The following SYNE3 variants were observed in gnomAD, a reference collection of about 807,000 sequenced individuals.
SYNE3 encodes spectrin repeat containing nuclear envelope family member 3.
A neutral mutation model predicts 111.2 loss-of-function variants in SYNE3; 100 were observed. That is an observed-to-expected ratio of 0.90 (90% CI 0.77 to 1.06). The LOEUF (loss-of-function observed/expected upper bound fraction) is 1.06. SYNE3 is among the 50% of genes least tolerant of loss of function. The pLI is 0.00. For missense variants in SYNE3, 1,160 were observed against 1,240.3 expected (o/e 0.94, Z 0.97); for synonymous variants, 547 against 533.9 (o/e 1.02, Z -0.34).
At chr14:95,497,491 A>G (rs1444228371) in intron 1 of SYNE3, among the ~76,000 whole-genome samples, 1 of 152,212 alleles carries the variant, frequency 6.6e-6, no homozygotes, top group Non-Finnish European at 1.5e-5. Flanking sequence ...CAGCAAGGAA[A>G]GTTTGTGACA....
In SYNE3 at chr14:95,436,976, A is replaced by G; in HGVS notation, c.2382T>C (p.Asn794=). The G allele has an allele frequency of 1.9e-6, 3 of 1,601,884 alleles. No homozygotes were observed. The highest frequency in any genetic ancestry group is 2.6e-6 in the Non-Finnish European group (3 of 1,172,712). ...GGCTCCCTTCTTCTTCCTGTAGAAGATTTGCCTGTAGGATCACACACGGCC... is the reference window on the plus strand; with the variant it reads ...GGCTCCCTTCTTCTTCCTGTAGAAGGTTTGCCTGTAGGATCACACACGGCC... The part of the protein sequence containing the change: ...DPIPRHRRRA[N]LLQEEEGSHE... Residue 794 remains asparagine (N), a synonymous_variant, in exon 15 of 18, where the codon AAT becomes AAC. Coordinates refer to ENST00000682763, the MANE Select transcript of SYNE3 (RefSeq NM_152592.6).
Position 95,475,764 on chromosome 14 carries a change from T to C in SYNE3, c.58A>G (p.Met20Val). 1 of 1,606,522 alleles carries C rather than the reference T, an allele frequency of 6.2e-7. No homozygotes were observed. Among genetic ancestry groups the C allele is most frequent in the Non-Finnish European group, 8.5e-7 (1 of 1,176,984 alleles). The change falls in exon 2 of 18, where the codon ATG becomes GTG. Residue 20 changes from methionine (M) to valine (V), a missense_variant. Physicochemically the swap from Met to Val is conservative, Grantham distance 21. Coordinates refer to ENST00000682763, the MANE Select transcript of SYNE3 (RefSeq NM_152592.6). ...DRSVEDAQAW[M>V]KAVQDQLQVN... ...TGCAGCTGGTCCTGCACAGCCTTCATCCATGCCTGGGCATCCTCCACGCTC... is the reference window on the plus strand; with the variant it reads ...TGCAGCTGGTCCTGCACAGCCTTCACCCATGCCTGGGCATCCTCCACGCTC...
intron 1 of SYNE3, among the ~76,000 whole-genome samples, chr14:95,515,762 C>T (rs962994639): frequency 9.2e-5 from 14 of 152,178 alleles, no homozygotes; most frequent in Non-Finnish European, 1.6e-4. Context: ...CCCAGGAAAG[C>T]CCAGGGTTGG....
At position 95,485,430 on chromosome 14, in the gene SYNE3, T is replaced by A. The variant is rs1889492891; in HGVS notation, c.-14-9595A>T. 6.6e-6 allele frequency among the ~76,000 whole-genome samples: 1 copy of A among 151,898 alleles called. No homozygotes were observed. The highest frequency in any genetic ancestry group is 6.6e-5 in the Admixed American group (1 of 15,254). On this transcript the variant is annotated intron_variant, in intron 1 of 17. Coordinates refer to ENST00000682763, the MANE Select transcript of SYNE3 (RefSeq NM_152592.6). The surrounding 1 kb of genome is among the most constrained non-coding windows in gnomAD (Gnocchi z 4.3). ...TAGACCTGAGGCATTCACTTGAGAG[T>A]GAGAACGCACACATTCCTCAGATGC...
intron 1 of SYNE3, among the ~76,000 whole-genome samples, chr14:95,481,392 A>G (rs145033021): frequency 9.7e-4 from 147 of 152,262 alleles, no homozygotes; most frequent in African/African-American, 3.3e-3. Context: ...TGTAATGAGG[A>G]GGAGGAGCTG....
chr14:95,457,907 T>G (rs1284431073), intron 4 of SYNE3, among the ~76,000 whole-genome samples: 2 of 152,138 alleles, frequency 1.3e-5, no homozygotes, highest in African/African-American at 4.8e-5. Context: ...AAACCAGCAT[T>G]TCTAGCTCCA....
intron 1 of SYNE3, among the ~76,000 whole-genome samples, chr14:95,496,596 C>T (rs1046451594): frequency 4.6e-5 from 7 of 152,184 alleles, no homozygotes; most frequent in Admixed American, 1.3e-4. Flanking sequence ...CTGGTGAGAA[C>T]GTCTGGAATT....
In SYNE3 at chr14:95,426,970, T is replaced by TATACTAGATA. The variant is rs1362603087; in HGVS notation, c.2727+5099_2727+5108dup. 2.0e-5 allele frequency among the ~76,000 whole-genome samples: 3 copies of TATACTAGATA among 150,758 alleles called. No individual in the cohort carries two copies. In the South Asian group the frequency reaches 6.3e-4, roughly 32 times the overall value. ...AAAAAAAAAAAAAAAAAAGAATAGT[T>TATACTAGATA]ATACTAGATATAGATCTTAGATATG... On this transcript the variant is annotated intron_variant, in intron 17 of 17. Coordinates refer to ENST00000682763, the MANE Select transcript of SYNE3 (RefSeq NM_152592.6).
chr14:95,501,998 G>A (rs934250981), intron 1 of SYNE3, among the ~76,000 whole-genome samples: 1 of 152,150 alleles, frequency 6.6e-6, no homozygotes, highest in African/African-American at 2.4e-5. Flanking sequence ...GTCTGAGGGT[G>A]CACTAAGGCT....
chr14:95,419,196 A>C (rs1275207620), intron 17 of SYNE3, among the ~76,000 whole-genome samples: 1 of 152,216 alleles, frequency 6.6e-6, no homozygotes, highest in Non-Finnish European at 1.5e-5. Flanking sequence ...CTCATGGTCA[A>C]GATGCTGCAG....
intron 1 of SYNE3, among the ~76,000 whole-genome samples, chr14:95,499,854 G>GTTTTTTTTTTTTTTTT (rs1890259277): frequency 9.3e-5 from 5 of 53,740 alleles, no homozygotes; most frequent in African/African-American, 1.9e-4. Context: ...ACTAACTCTT[G>GTTTTTTTTTTTTTTTT]TCTTTTTTTT....
chr14:95,506,703 T>C (rs1890541002), intron 1 of SYNE3, among the ~76,000 whole-genome samples: 1 of 152,152 alleles, frequency 6.6e-6, no homozygotes, highest in South Asian at 2.1e-4. Flanking sequence ...AGGGAATCCA[T>C]TGGAACGGGC....
chr14:95,452,290 G>C lies in SYNE3; in HGVS notation c.1231C>G (p.Pro411Ala), dbSNP rs754857398. The stretch of plus-strand genomic sequence containing the variant: ...GTAGCGATGACACTATCAGAGAGTG[G>C]CTTCAGGTTGTGAGGGAAGACGATG... ...ELIVFPHNLK[P>A]LSDSVIATIQ... The change falls in exon 7 of 18, where the codon CCA (proline) becomes GCA (alanine). Residue 411 changes from proline to alanine, a missense_variant. Physicochemically the swap from Pro to Ala is conservative, Grantham distance 27. Coordinates refer to ENST00000682763, the MANE Select transcript of SYNE3 (RefSeq NM_152592.6). 5 of 1,613,766 alleles carry C rather than the reference G, an allele frequency of 3.1e-6. No homozygotes were observed. The highest frequency in any genetic ancestry group is 1.1e-5 in the South Asian group (1 of 91,020).
chr14:95,445,869 G>A, intron 9 of SYNE3, 40 bp downstream of exon 9: 2 of 1,603,888 alleles, frequency 1.2e-6, no homozygotes, highest in East Asian at 4.5e-5. Flanking sequence ...CCAGCCCCGT[G>A]GCCAAGCCAA....
chr14:95,453,805 G>A (rs1240609313), intron 6 of SYNE3, among the ~76,000 whole-genome samples: 1 of 152,202 alleles, frequency 6.6e-6, no homozygotes. Flanking sequence ...AGCAGTGCTG[G>A]AACACCCAGG....
intron 1 of SYNE3, among the ~76,000 whole-genome samples, chr14:95,503,661 C>A (rs1270163947): frequency 7.6e-6 from 1 of 131,920 alleles, no homozygotes; most frequent in African/African-American, 2.8e-5. Flanking sequence ...CTTTGTTGCC[C>A]AGGCTGGAGC....
chr14:95,496,998 A>G (rs972742877), intron 1 of SYNE3, among the ~76,000 whole-genome samples: 2 of 152,154 alleles, frequency 1.3e-5, no homozygotes, highest in African/African-American at 4.8e-5. Context: ...CCCTCTTTTC[A>G]GGGCCATTTT....
At position 95,444,582 on chromosome 14, in the gene SYNE3, AG is replaced by A. The variant is rs1354470798; in HGVS notation, c.1678del (p.Leu560CysfsTer107). On this transcript the variant is annotated frameshift_variant, in exon 10 of 18. Transcript: ENST00000682763. LOFTEE classifies it high-confidence loss of function. ...CTGGAGGTCCAAGAGCTTCCTCTGC[AG>A]GGGCTCAAAAGCTGCTCCAAAGTCT... ...HKDFGAAFEP[L>X]QRKLLDLQVR... 1 of 1,613,004 alleles carries A rather than the reference AG, an allele frequency of 6.2e-7. No individual in the cohort carries two copies. The highest frequency in any genetic ancestry group is 2.2e-5 in the East Asian group (1 of 44,866).
At chr14:95,421,455 T>C (rs527586713) in intron 17 of SYNE3, among the ~76,000 whole-genome samples, 2 of 152,194 alleles carry the variant, frequency 1.3e-5, no homozygotes, top group Non-Finnish European at 2.9e-5. Flanking sequence ...TTTGGAGTCT[T>C]GGGTTCTAAC....
Sources: allele counts gnomAD v4.1 joint callset (sites outside exome capture counted in the v4.1 genomes callset), GRCh38; gene constraint gnomAD v4.1.1; non-coding constraint Gnocchi (gnomAD v3.1); transcripts MANE v1.5; gene names NCBI Gene and HGNC (gene_info 2026-07-23, HGNC 2026-07-21).